Variants in NMNAT3 observed in about 807,000 individuals in gnomAD.
NMNAT3 encodes nicotinamide/nicotinic acid mononucleotide adenylyltransferase 3.
A neutral mutation model predicts 24.8 loss-of-function variants in NMNAT3; 21 were observed. That is an observed-to-expected ratio of 0.85 (90% CI 0.60 to 1.22). NMNAT3 has a LOEUF of 1.22. Among genes scored for constraint, NMNAT3 ranks in the 50% most tolerant of loss-of-function variants. The pLI is 0.00. For synonymous variants in NMNAT3, 136 were observed against 155.2 expected (o/e 0.88, Z 0.92); for missense variants, 387 against 436.6 (o/e 0.89, Z 1.01).
chr3:139,595,772 A>T (rs2054425252), intron 3 of NMNAT3, among the ~76,000 whole-genome samples: 1 of 152,206 alleles, frequency 6.6e-6, no homozygotes, highest in South Asian at 2.1e-4. Flanking sequence ...AGAAAGCTGA[A>T]ACTGGATCCC....
chr3:139,608,534 C>G (rs1289001666), intron 3 of NMNAT3, among the ~76,000 whole-genome samples: 6 of 152,138 alleles, frequency 3.9e-5, no homozygotes, highest in Non-Finnish European at 7.4e-5. Context: ...TTTAATTAAT[C>G]AAATATGTTG....
chr3:139,634,232 G>A (rs1383230223), intron 2 of NMNAT3: 6 of 152,210 alleles, frequency 3.9e-5, no homozygotes, highest in African/African-American at 1.4e-4. Context: ...AATGCTCATC[G>A]CTTGGGAGGC....
chr3:139,620,713 C>A (rs2055729273), intron 3 of NMNAT3, among the ~76,000 whole-genome samples: 1 of 152,074 alleles, frequency 6.6e-6, no homozygotes, highest in South Asian at 2.1e-4. Context: ...AGTAAACACA[C>A]ATTTAACTTT....
At chr3:139,600,451 AC>A (rs2054663280) in intron 3 of NMNAT3, among the ~76,000 whole-genome samples, 1 of 151,798 alleles carries the variant, frequency 6.6e-6, no homozygotes, top group African/African-American at 2.4e-5. Flanking sequence ...GATTACAGGC[AC>A]CCACCACCAC....
chr3:139,618,236 C>A (rs902906699), intron 3 of NMNAT3, among the ~76,000 whole-genome samples: 1 of 152,172 alleles, frequency 6.6e-6, no homozygotes, highest in Non-Finnish European at 1.5e-5. Context: ...CTCTTGAGCA[C>A]GGATGACTTT....
chr3:139,660,185 C>T (rs551251611), intron 1 of NMNAT3, among the ~76,000 whole-genome samples: 20 of 152,272 alleles, frequency 1.3e-4, no homozygotes, highest in African/African-American at 4.6e-4. Context: ...TGGGTCGGTG[C>T]CAAGCGGTGA....
intron 3 of NMNAT3, among the ~76,000 whole-genome samples, chr3:139,621,637 G>C (rs1308168214): frequency 6.6e-6 from 1 of 152,228 alleles, no homozygotes; most frequent in Non-Finnish European, 1.5e-5. Flanking sequence ...CTCCCAAAGT[G>C]CTGGGATTAC....
intron 3 of NMNAT3, among the ~76,000 whole-genome samples, chr3:139,622,561 C>G (rs2055828995): frequency 6.6e-6 from 1 of 151,002 alleles, no homozygotes; most frequent in Admixed American, 6.6e-5. Flanking sequence ...GATGAAACCC[C>G]ATCTTTACTA....
At chr3:139,649,637 G>A (rs1452127726) in intron 1 of NMNAT3, among the ~76,000 whole-genome samples, 1 of 152,110 alleles carries the variant, frequency 6.6e-6, no homozygotes, top group Non-Finnish European at 1.5e-5. Context: ...GTTCCTGCAC[G>A]GTTAGCTATT....
At chr3:139,603,784 A>G (rs2054819733) in intron 3 of NMNAT3, among the ~76,000 whole-genome samples, 1 of 151,640 alleles carries the variant, frequency 6.6e-6, no homozygotes, top group Non-Finnish European at 1.5e-5. Context: ...TACTACCACC[A>G]CTGCCACTAG....
intron 3 of NMNAT3, among the ~76,000 whole-genome samples, chr3:139,605,968 G>T (rs1441976303): frequency 6.6e-6 from 1 of 151,178 alleles, no homozygotes; most frequent in Non-Finnish European, 1.5e-5. Context: ...ATGACTTCAA[G>T]AAAATTGTCT....
intron 3 of NMNAT3, among the ~76,000 whole-genome samples, chr3:139,606,142 C>T (rs138765589): frequency 6.6e-6 from 1 of 152,272 alleles, no homozygotes. Flanking sequence ...AACATTAATT[C>T]AACACTGATC....
In NMNAT3 at chr3:139,606,800, G is replaced by C. The variant is rs564138253; in HGVS notation, c.109+20816C>G. Among the ~76,000 whole-genome samples the C allele has an allele frequency of 9.7e-4, 147 of 152,098 alleles. 1 individual carries two copies. The highest frequency in any genetic ancestry group is 3.3e-3 in the African/African-American group (137 of 41,504). ...TTATTTTTGTCAATATGGATTCATG[G>C]GTACTTATTTTATTCTGTGGGGTGT... is the stretch of plus-strand genomic sequence containing the variant. On this transcript the variant is annotated intron_variant, in intron 3 of 6. Transcript: ENST00000643695.
At chr3:139,633,571 A>C (rs2056387519) in intron 2 of NMNAT3, among the ~76,000 whole-genome samples, 1 of 152,212 alleles carries the variant, frequency 6.6e-6, no homozygotes, top group Non-Finnish European at 1.5e-5. Context: ...CCATCTTTTT[A>C]GCGGCAGGCT....
chr3:139,653,587 T>C (rs906217894), intron 1 of NMNAT3, among the ~76,000 whole-genome samples: 1 of 152,230 alleles, frequency 6.6e-6, no homozygotes, highest in Non-Finnish European at 1.5e-5. Flanking sequence ...TAGCCACGTG[T>C]TGGGGTCAGG....
intron 3 of NMNAT3, among the ~76,000 whole-genome samples, chr3:139,586,324 C>G (rs1576580354): frequency 6.6e-6 from 1 of 152,174 alleles, no homozygotes; most frequent in South Asian, 2.1e-4. Flanking sequence ...ACCCCTGAGA[C>G]ATGAGTTTAT....
chr3:139,656,450 G>A (rs115412805), intron 1 of NMNAT3, among the ~76,000 whole-genome samples: 7,765 of 152,154 alleles, frequency 0.051, 271 homozygotes, highest in Middle Eastern at 0.14. Context: ...AAAGAGGCAT[G>A]GAGAATATAC....
intron 3 of NMNAT3, among the ~76,000 whole-genome samples, chr3:139,593,824 A>C (rs1220135470): frequency 6.8e-6 from 1 of 147,910 alleles, no homozygotes; most frequent in African/African-American, 2.5e-5. Flanking sequence ...GTGTAGAGGG[A>C]AATTTATAGC....
intron 3 of NMNAT3, among the ~76,000 whole-genome samples, chr3:139,586,923 C>G (rs1358776936): frequency 6.6e-6 from 1 of 152,184 alleles, no homozygotes; most frequent in Non-Finnish European, 1.5e-5. Flanking sequence ...ACAGTTTAGA[C>G]AGGTATTAGG....
Sources: allele counts gnomAD v4.1 joint callset (sites outside exome capture counted in the v4.1 genomes callset), GRCh38; gene constraint gnomAD v4.1.1; transcripts MANE v1.5; gene names NCBI Gene and HGNC (gene_info 2026-07-23, HGNC 2026-07-21).